KIRREL3: variants seen among roughly 807,000 people sequenced by gnomAD.
The protein encoded by KIRREL3 is kirre like nephrin family adhesion molecule 3, also known as kin of IRRE-like protein 3.
Under a neutral mutation model 89.7 loss-of-function variants are expected in KIRREL3, and 36 were observed. That is an observed-to-expected ratio of 0.40 (90% CI 0.31 to 0.53). The LOEUF is 0.53. Among genes scored for constraint, KIRREL3 ranks in the 20% least tolerant of loss-of-function variants. KIRREL3 has a pLI of 0.49. For missense variants in KIRREL3, 864 were observed against 1,056.6 expected (o/e 0.82, Z 2.53); for synonymous variants, 445 against 441.4 (o/e 1.01, Z -0.10).
Position 126,685,355 on chromosome 11 carries a change from G to A in KIRREL3, c.56-122443C>T, listed in dbSNP as rs1946627677. Among the ~76,000 whole-genome samples, 3 of 152,100 alleles carry A rather than the reference G, an allele frequency of 2.0e-5. No individual in the cohort carries two copies. Among genetic ancestry groups the A allele is most frequent in the Admixed American group, 2.0e-4 (3 of 15,274 alleles). ...TTTTGTGCAGGAGAACTTCTTGCAG[G>A]AGACTTGGAGACAGAAATTCTTTGG... On this transcript the variant is annotated intron_variant, in intron 1 of 16. Coordinates refer to ENST00000525144, the MANE Select transcript of KIRREL3 (RefSeq NM_032531.4). This position sits in a 1 kb window ranked among gnomAD's most constrained non-coding sequence, Gnocchi z 5.5.
At position 126,686,384 on chromosome 11, in the gene KIRREL3, T is replaced by G. The variant is rs1240212266; in HGVS notation, c.56-123472A>C. On this transcript the variant is annotated intron_variant, in intron 1 of 16. Coordinates refer to ENST00000525144, the MANE Select transcript of KIRREL3 (RefSeq NM_032531.4). This position sits in a 1 kb window ranked among gnomAD's most constrained non-coding sequence, Gnocchi z 4.7. ...CCATTCTAGGAACTGTGCTTGGTGA[T>G]GAGCTGCAGAGACAGAAGACACCAT... Among the ~76,000 whole-genome samples, 2 of 152,082 alleles carry G rather than the reference T, an allele frequency of 1.3e-5. No homozygotes were observed. The highest frequency in any genetic ancestry group is 2.1e-4 in the South Asian group (1 of 4,816).
At position 126,808,272 on chromosome 11, in the gene KIRREL3, T is replaced by G. The variant is rs923046467; in HGVS notation, c.55+192183A>C. Among the ~76,000 whole-genome samples the G allele has an allele frequency of 6.6e-6, 1 of 152,198 alleles. No homozygotes were observed. Among genetic ancestry groups the G allele is most frequent in the African/African-American group, 2.4e-5 (1 of 41,450 alleles). On this transcript the variant is annotated intron_variant, in intron 1 of 16. Transcript: ENST00000525144. The surrounding 1 kb of genome is among the most constrained non-coding windows in gnomAD (Gnocchi z 4.1). ...CAAAAGAGAATACTTATTTGAAAATTAAATGTCTTCACTTCTTTTCCAGGA... is the reference window on the plus strand; with the variant it reads ...CAAAAGAGAATACTTATTTGAAAATGAAATGTCTTCACTTCTTTTCCAGGA...
rs112570401 is a variant in KIRREL3, at chr11:126,926,922, C to T, written c.55+73533G>A. On this transcript the variant is annotated intron_variant, in intron 1 of 16. Coordinates refer to ENST00000525144, the MANE Select transcript of KIRREL3 (RefSeq NM_032531.4). ...GAAAAAAATCAAAAGCAGATTATTACCCCGAGCTGCTCTTCCTTTTTATCC... is the reference window on the plus strand; with the variant it reads ...GAAAAAAATCAAAAGCAGATTATTATCCCGAGCTGCTCTTCCTTTTTATCC... Among the ~76,000 whole-genome samples, 496 of 152,298 alleles carry T rather than the reference C, an allele frequency of 3.3e-3. 4 individuals carry two copies. Among genetic ancestry groups the T allele is most frequent in the Non-Finnish European group, 3.6e-3 (245 of 68,038 alleles).
chr11:126,629,075 A>G (rs573703113), intron 1 of KIRREL3, among the ~76,000 whole-genome samples: 228 of 152,290 alleles, frequency 1.5e-3, no homozygotes, highest in Non-Finnish European at 2.7e-3. Flanking sequence ...GTCTCTTCCA[A>G]ACACCACCTC....
At chr11:126,693,166 C>G (rs892049452) in intron 1 of KIRREL3, among the ~76,000 whole-genome samples, 1 of 152,212 alleles carries the variant, frequency 6.6e-6, no homozygotes, top group Non-Finnish European at 1.5e-5. Flanking sequence ...CGCCTGTAAT[C>G]CCAGTACTTT....
Position 126,553,725 on chromosome 11 carries a change from G to A in KIRREL3, c.133+9110C>T, listed in dbSNP as rs1361237856. Among the ~76,000 whole-genome samples, 2 of 152,148 alleles carry A rather than the reference G, an allele frequency of 1.3e-5. No homozygotes were observed. Among genetic ancestry groups the A allele is most frequent in the African/African-American group, 2.4e-5 (1 of 41,426 alleles). ...TTCCATAGGGCTGTGCTCCACATGGGCATCCCATTAAAAGGCCAGGTTTCC... is the reference window on the plus strand; with the variant it reads ...TTCCATAGGGCTGTGCTCCACATGGACATCCCATTAAAAGGCCAGGTTTCC... On this transcript the variant is annotated intron_variant, in intron 2 of 16. Transcript: ENST00000525144. The surrounding 1 kb of genome is among the most constrained non-coding windows in gnomAD (Gnocchi z 4.7).
intron 1 of KIRREL3, among the ~76,000 whole-genome samples, chr11:126,646,635 C>T (rs1248892974): frequency 2.0e-5 from 3 of 151,996 alleles, no homozygotes; most frequent in African/African-American, 7.3e-5. Context: ...CCACCACACC[C>T]AGCTAACTTT....
chr11:126,619,489 A>G (rs945953431), intron 1 of KIRREL3, among the ~76,000 whole-genome samples: 1 of 152,258 alleles, frequency 6.6e-6, no homozygotes, highest in Non-Finnish European at 1.5e-5. Context: ...TTTTAAAAAA[A>G]GATCCTATGT....
chr11:126,430,997 G>A lies in KIRREL3; in HGVS notation c.1696+422C>T. 1 of 1,126,882 alleles carries A rather than the reference G, an allele frequency of 8.9e-7. No homozygotes were observed. Among genetic ancestry groups the A allele is most frequent in the Non-Finnish European group, 1.1e-6 (1 of 920,418 alleles). 69.8% of individuals were successfully genotyped at this position (1,126,882 alleles called of 1,614,324 possible). ...TCCCCACCCACTCCCCCACAGCTGT[G>A]TGAGTGACCTGCTTTTCTGGTGAGA... On this transcript the variant is annotated intron_variant, in intron 14 of 16. Coordinates refer to ENST00000525144, the MANE Select transcript of KIRREL3 (RefSeq NM_032531.4). The surrounding 1 kb of genome is among the most constrained non-coding windows in gnomAD (Gnocchi z 6.6).
intron 5 of KIRREL3, among the ~76,000 whole-genome samples, chr11:126,468,581 A>C (rs1956796360): frequency 6.6e-6 from 1 of 152,176 alleles, no homozygotes; most frequent in Non-Finnish European, 1.5e-5. Flanking sequence ...TACTGGTCCC[A>C]TGGTGGAGTC....
chr11:126,916,543 C>T (rs190015075), intron 1 of KIRREL3, among the ~76,000 whole-genome samples: 92 of 152,174 alleles, frequency 6.0e-4, no homozygotes, highest in African/African-American at 2.0e-3. Context: ...TAACATCCTC[C>T]GAGACTATGT....
chr11:126,466,374 G>C (rs1414033109), intron 5 of KIRREL3, among the ~76,000 whole-genome samples: 2 of 152,244 alleles, frequency 1.3e-5, no homozygotes, highest in Non-Finnish European at 2.9e-5. Context: ...GCTCGCGGGG[G>C]ACCCCAGGCC....
intron 7 of KIRREL3, among the ~76,000 whole-genome samples, chr11:126,450,506 CAT>C (rs1217499849): frequency 5.1e-5 from 6 of 118,346 alleles, no homozygotes; most frequent in African/African-American, 1.2e-4. Flanking sequence ...TGCATGTGTG[CAT>C]GTGTGTGTGT....
Position 126,814,063 on chromosome 11 carries a change from G to GA in KIRREL3, c.55+186391dup, listed in dbSNP as rs910447861. 1.3e-4 allele frequency among the ~76,000 whole-genome samples: 19 copies of GA among 149,448 alleles called. No individual in the cohort carries two copies. Among genetic ancestry groups the GA allele is most frequent in the Admixed American group, 2.7e-4 (4 of 14,966 alleles). On this transcript the variant is annotated intron_variant, in intron 1 of 16. Transcript: ENST00000525144. This position sits in a 1 kb window ranked among gnomAD's most constrained non-coding sequence, Gnocchi z 4.4. ...GTCTACAAGGAACTTAAATTTACAAGAAAAAAAAACCCGGTTAAAAAGTTG... is the reference window on the plus strand; with the variant it reads ...GTCTACAAGGAACTTAAATTTACAAGAAAAAAAAAACCCGGTTAAAAAGTTG...
Position 126,442,666 on chromosome 11 carries a change from C to CA in KIRREL3, c.1253-2118dup, listed in dbSNP as rs144760045. On this transcript the variant is annotated intron_variant, in intron 10 of 16. Coordinates refer to ENST00000525144, the MANE Select transcript of KIRREL3 (RefSeq NM_032531.4). ...TTCATATCACCAGCTCCCTCCAGCC[C>CA]ATGCCCAGGTCCCATCCACTGGGCG... Among the ~76,000 whole-genome samples the CA allele has an allele frequency of 1.6e-4, 25 of 152,372 alleles. 1 individual carries two copies. The highest frequency in any genetic ancestry group is 6.0e-4 in the African/African-American group (25 of 41,592).
chr11:126,449,643 A>G (rs1955953911), intron 7 of KIRREL3, among the ~76,000 whole-genome samples: 3 of 152,208 alleles, frequency 2.0e-5, no homozygotes, highest in African/African-American at 7.2e-5. Flanking sequence ...GCACACACAC[A>G]CACACTGACA....
chr11:126,886,654 A>T (rs528324148), intron 1 of KIRREL3, among the ~76,000 whole-genome samples: 7 of 152,284 alleles, frequency 4.6e-5, no homozygotes, highest in African/African-American at 1.4e-4. Context: ...TTCTGTAGTT[A>T]ATTAGAGCAT....
At position 126,643,043 on chromosome 11, in the gene KIRREL3, T is replaced by C. The variant is rs1166961499; in HGVS notation, c.56-80131A>G. 7.1e-6 allele frequency among the ~76,000 whole-genome samples: 1 copy of C among 141,750 alleles called. No homozygotes were observed. The highest frequency in any genetic ancestry group is 1.5e-5 in the Non-Finnish European group (1 of 64,782). 93.0% of individuals were successfully genotyped at this position (141,750 alleles called of 152,430 possible). On this transcript the variant is annotated intron_variant, in intron 1 of 16. Coordinates refer to ENST00000525144, the MANE Select transcript of KIRREL3 (RefSeq NM_032531.4). The surrounding 1 kb of genome is among the most constrained non-coding windows in gnomAD (Gnocchi z 4.5). Reference sequence around the variant, plus strand: ...CTATCCATCCATCCAATGCAAGGCATATTGTAATAAAGGAGACACAACTCT... The same window carrying C: ...CTATCCATCCATCCAATGCAAGGCACATTGTAATAAAGGAGACACAACTCT...
rs775903386 is a variant in KIRREL3, at chr11:126,523,210, A to G, written c.284-1746T>C. Reference sequence around the variant, plus strand: ...GAGGTCCCCATCACTGGCTGTATTCAAGCAGAGGTTGGATGATCGCCTCTC... The same window carrying G: ...GAGGTCCCCATCACTGGCTGTATTCGAGCAGAGGTTGGATGATCGCCTCTC... On this transcript the variant is annotated intron_variant, in intron 3 of 16. Coordinates refer to ENST00000525144, the MANE Select transcript of KIRREL3 (RefSeq NM_032531.4). The surrounding 1 kb of genome is among the most constrained non-coding windows in gnomAD (Gnocchi z 4.9). Among the ~76,000 whole-genome samples the G allele has an allele frequency of 2.0e-5, 3 of 152,112 alleles. No homozygotes were observed. Among genetic ancestry groups the G allele is most frequent in the Non-Finnish European group, 2.9e-5 (2 of 68,026 alleles).
Sources: allele counts gnomAD v4.1 joint callset (sites outside exome capture counted in the v4.1 genomes callset), GRCh38; gene constraint gnomAD v4.1.1; non-coding constraint Gnocchi (gnomAD v3.1); transcripts MANE v1.5; gene names NCBI Gene and HGNC (gene_info 2026-07-23, HGNC 2026-07-21).